PARD3: variants seen among roughly 807,000 people sequenced by gnomAD.
The protein encoded by PARD3 is partitioning defective 3 homolog.
A neutral mutation model predicts 155.4 loss-of-function variants in PARD3; 75 were observed. The observed-to-expected ratio is 0.48, with a 90% CI of 0.40 to 0.58. PARD3 has a LOEUF of 0.58. PARD3 is among the 20% of genes least tolerant of loss of function. The pLI, the probability that PARD3 is intolerant of heterozygous loss-of-function variation, is 0.00. For missense variants in PARD3, 1,642 were observed against 1,721.7 expected (o/e 0.95, Z 0.82); for synonymous variants, 576 against 610.5 (o/e 0.94, Z 0.83).
intron 24 of PARD3, among the ~76,000 whole-genome samples, chr10:34,115,597 T>A (rs767460538): frequency 6.6e-6 from 1 of 152,222 alleles, no homozygotes; most frequent in South Asian, 2.1e-4. Flanking sequence ...GTGATGGATA[T>A]GTTAGCTAAC....
chr10:34,793,966 C>G (rs897208768), intron 1 of PARD3, among the ~76,000 whole-genome samples: 4 of 152,084 alleles, frequency 2.6e-5, no homozygotes, highest in Non-Finnish European at 5.9e-5. Context: ...TTAAGTAATA[C>G]CACATTTACA....
At chr10:34,642,415 G>T (rs150695141) in intron 2 of PARD3, among the ~76,000 whole-genome samples, 2 of 140,300 alleles carry the variant, frequency 1.4e-5, no homozygotes, top group African/African-American at 5.3e-5. Flanking sequence ...TGCCTCTCAC[G>T]GCCTTCCACT....
At chr10:34,210,721 C>A (rs1588772187) in intron 22 of PARD3, among the ~76,000 whole-genome samples, 1 of 152,074 alleles carries the variant, frequency 6.6e-6, no homozygotes, top group African/African-American at 2.4e-5. Context: ...ACAGCCACAG[C>A]CTGGACTTGG....
At chr10:34,542,239 G>GCACGTGTGCA (rs1554889692) in intron 2 of PARD3, among the ~76,000 whole-genome samples, 7 of 144,230 alleles carry the variant, frequency 4.9e-5, no homozygotes, top group African/African-American at 1.3e-4. Context: ...GTGTGTGTGT[G>GCACGTGTGCA]CACACACACA....
chr10:34,132,780 C>A (rs1481051428), intron 22 of PARD3, among the ~76,000 whole-genome samples: 4 of 152,122 alleles, frequency 2.6e-5, no homozygotes. Context: ...CCTGTTTTTG[C>A]ACCCAAAAGT....
chr10:34,500,187 A>G (rs932212877), intron 3 of PARD3, among the ~76,000 whole-genome samples: 12 of 152,256 alleles, frequency 7.9e-5, no homozygotes, highest in African/African-American at 2.9e-4. Flanking sequence ...ATAAAACCTT[A>G]TGTGCTACAG....
intron 2 of PARD3, among the ~76,000 whole-genome samples, chr10:34,690,899 G>A (rs1374161228): frequency 3.3e-5 from 5 of 152,128 alleles, no homozygotes; most frequent in African/African-American, 4.8e-5. Context: ...CAAGTACAAC[G>A]AGACTGTACA....
intron 22 of PARD3, among the ~76,000 whole-genome samples, chr10:34,226,951 C>T (rs534271085): frequency 6.6e-6 from 1 of 152,182 alleles, no homozygotes; most frequent in East Asian, 1.9e-4. Context: ...GTTAAAGAAT[C>T]CACATGCATG....
chr10:34,704,483 CCTAGAAATGGCTA>C (rs1228974653), intron 1 of PARD3, among the ~76,000 whole-genome samples: 4 of 152,022 alleles, frequency 2.6e-5, no homozygotes, highest in Non-Finnish European at 4.4e-5. Flanking sequence ...AGACAGAGAT[CCTAGAAATGGCTA>C]CCTGTGAGTG....
chr10:34,355,938 A>AC lies in PARD3; in HGVS notation c.2067+3208_2067+3209insG, dbSNP rs369831588. ...ACACTCCGTCTCAAAAAAAAAAAAA[A>AC]AAAAAAAACAAAACAAAACCAAACA... On this transcript the variant is annotated intron_variant, in intron 14 of 24. Transcript: ENST00000374788. Among the ~76,000 whole-genome samples, 1,276 of 132,512 alleles carry AC rather than the reference A, an allele frequency of 9.6e-3. 28 individuals carry two copies. The highest frequency in any genetic ancestry group is 0.041 in the African/African-American group (1,088 of 26,390). 86.9% of individuals were successfully genotyped at this position (132,512 alleles called of 152,430 possible). A position where few individuals can be genotyped will look rare whatever the true frequency, so the allele number is the denominator to read the frequency against.
At chr10:34,691,015 C>T (rs922917821) in intron 2 of PARD3, among the ~76,000 whole-genome samples, 4 of 152,136 alleles carry the variant, frequency 2.6e-5, no homozygotes, top group African/African-American at 9.7e-5. Flanking sequence ...GAGTTTGAGA[C>T]AAGCCTTGGC....
chr10:34,365,471 G>C (rs1040331625), intron 12 of PARD3, among the ~76,000 whole-genome samples: 3 of 152,116 alleles, frequency 2.0e-5, no homozygotes, highest in Non-Finnish European at 2.9e-5. Flanking sequence ...AGCTTCACAA[G>C]GTAGGAATTT....
intron 22 of PARD3, among the ~76,000 whole-genome samples, chr10:34,230,569 T>G (rs1952869617): frequency 6.6e-6 from 1 of 152,156 alleles, no homozygotes; most frequent in African/African-American, 2.4e-5. Flanking sequence ...AAATTATTTT[T>G]CCTTTAGTCA....
intron 4 of PARD3, among the ~76,000 whole-genome samples, chr10:34,466,391 G>C (rs2078008154): frequency 6.6e-6 from 1 of 152,096 alleles, no homozygotes. Flanking sequence ...TGAACCAAAG[G>C]AGAGAGTTTG....
rs142307338 is a variant in PARD3, at chr10:34,734,322, C to CT, written c.121-37904dup. 2.3e-3 allele frequency among the ~76,000 whole-genome samples: 158 copies of CT among 68,006 alleles called. 11 individuals are homozygous for CT. Among genetic ancestry groups the CT allele is most frequent in the East Asian group, 0.017 (31 of 1,868 alleles). The allele number at this position is 68,006 out of a possible 152,430, so 44.6% of individuals were successfully genotyped here. ...ACACATATAACAAATATATGGGGCC[C>CT]TTTTTTTTTTTTTTTTTTTTTTTTT... is the stretch of plus-strand genomic sequence containing the variant. On this transcript the variant is annotated intron_variant, in intron 1 of 24. Coordinates refer to ENST00000374788, the MANE Select transcript of PARD3 (RefSeq NM_001184785.2).
chr10:34,181,824 G>A (rs1482913566), intron 22 of PARD3, among the ~76,000 whole-genome samples: 3 of 151,978 alleles, frequency 2.0e-5, no homozygotes, highest in Non-Finnish European at 4.4e-5. Flanking sequence ...AATCGCTACC[G>A]ACAGTGCATC....
chr10:34,317,212 C>T lies in PARD3; in HGVS notation c.2960G>A (p.Arg987Lys), dbSNP rs1958063271. 6.2e-7 allele frequency: 1 copy of T among 1,613,520 alleles called. No individual in the cohort carries two copies. The highest frequency in any genetic ancestry group is 2.2e-5 in the East Asian group (1 of 44,860). Residue 987 changes from arginine to lysine, a missense_variant, in exon 20 of 25, where the codon AGA (arginine) becomes AAA (lysine). By Grantham distance (26) the Arg-to-Lys change is conservative (BLOSUM62 2). Transcript: ENST00000374788. ...GNQEKGDKTD[R>K]KKDKTGKEKK... ...TTCTTTTCCAGTTTTATCCTTTTTT[C>T]TATCAGTCTTATCACCTTTCTCTTG...
At chr10:34,710,828 C>T (rs1398106397) in intron 1 of PARD3, among the ~76,000 whole-genome samples, 1 of 152,028 alleles carries the variant, frequency 6.6e-6, no homozygotes, top group African/African-American at 2.4e-5. Context: ...AAAGCTTTCA[C>T]CCCCAGAGTT....
intron 1 of PARD3, among the ~76,000 whole-genome samples, chr10:34,774,894 C>T (rs1839345770): frequency 1.3e-5 from 2 of 152,110 alleles, no homozygotes; most frequent in South Asian, 2.1e-4. Flanking sequence ...TTTACAGATA[C>T]CAAATTTCAG....
Sources: allele counts gnomAD v4.1 joint callset (sites outside exome capture counted in the v4.1 genomes callset), GRCh38; gene constraint gnomAD v4.1.1; transcripts MANE v1.5; gene names NCBI Gene and HGNC (gene_info 2026-07-23, HGNC 2026-07-21).